Variants in DPP10 observed in about 807,000 individuals in gnomAD.
DPP10 encodes the protein dipeptidyl peptidase like 10, also known as inactive dipeptidyl peptidase 10.
DPP10 carries 33 observed loss-of-function variants against 120.9 expected under a neutral mutation model. That is an observed-to-expected ratio of 0.27 (90% CI 0.21 to 0.37). The LOEUF is 0.37. Among genes scored for constraint, DPP10 ranks in the 10% least tolerant of loss-of-function variants. The pLI, the probability that DPP10 is intolerant of heterozygous loss-of-function variation, is 1.00. For missense variants in DPP10, 816 were observed against 942.8 expected (o/e 0.87, Z 1.76); for synonymous variants, 337 against 326.1 (o/e 1.03, Z -0.36).
chr2:115,085,252 TTTCCC>T (rs1328257306), intron 1 of DPP10, among the ~76,000 whole-genome samples: 2 of 152,210 alleles, frequency 1.3e-5, no homozygotes, highest in African/African-American at 4.8e-5. Context: ...TTACAGATCC[TTTCCC>T]TTCCCTTCCC....
intron 1 of DPP10, among the ~76,000 whole-genome samples, chr2:114,555,832 G>A (rs1305818210): frequency 6.6e-6 from 1 of 152,116 alleles, no homozygotes; most frequent in Non-Finnish European, 1.5e-5. Flanking sequence ...CAAATACTAA[G>A]AGGGTGGAGC....
chr2:114,848,997 G>A (rs115634794), intron 1 of DPP10, among the ~76,000 whole-genome samples: 2,149 of 152,212 alleles, frequency 0.014, 21 homozygotes, highest in Non-Finnish European at 0.023. Context: ...ACTATCTGGG[G>A]CCTCTTTTAT....
At chr2:115,495,534 T>C (rs1307188828) in intron 3 of DPP10, among the ~76,000 whole-genome samples, 1 of 152,120 alleles carries the variant, frequency 6.6e-6, no homozygotes, top group Non-Finnish European at 1.5e-5. Flanking sequence ...CAATACCACA[T>C]TGAGAACTAA....
chr2:115,342,045 A>G (rs1047047980), intron 2 of DPP10: 5 of 417,902 alleles, frequency 1.2e-5, no homozygotes, highest in African/African-American at 8.3e-5. Context: ...TGACTGTACC[A>G]TTTTGCATTC....
At chr2:115,115,566 A>T (rs1375544943) in intron 1 of DPP10, among the ~76,000 whole-genome samples, 5 of 152,198 alleles carry the variant, frequency 3.3e-5, no homozygotes, top group Non-Finnish European at 5.9e-5. Flanking sequence ...TCACAAAGTC[A>T]TTAATCATTC....
At chr2:115,017,973 G>T (rs967303263) in intron 1 of DPP10, among the ~76,000 whole-genome samples, 1 of 151,228 alleles carries the variant, frequency 6.6e-6, no homozygotes, top group Admixed American at 6.6e-5. Context: ...TGCACGTTGC[G>T]CACATGTACG....
At chr2:114,953,765 G>A (rs566763678) in intron 1 of DPP10, among the ~76,000 whole-genome samples, 3 of 152,102 alleles carry the variant, frequency 2.0e-5, no homozygotes, top group East Asian at 1.9e-4. Context: ...TAATGGTACC[G>A]TATTATGAAT....
intron 1 of DPP10, among the ~76,000 whole-genome samples, chr2:115,213,679 C>T (rs1464883823): frequency 6.6e-6 from 1 of 152,034 alleles, no homozygotes; most frequent in Non-Finnish European, 1.5e-5. Context: ...AGTTGTATTA[C>T]TGCAGTTAAT....
chr2:114,842,960 A>G (rs773790061), intron 1 of DPP10, among the ~76,000 whole-genome samples: 8 of 152,130 alleles, frequency 5.3e-5, no homozygotes, highest in Non-Finnish European at 1.0e-4. Flanking sequence ...ACTGCCCATA[A>G]CATCAGAGCC....
In DPP10 at chr2:115,076,380, T is replaced by A. The variant is rs1026766094; in HGVS notation, c.61-232859T>A. On this transcript the variant is annotated intron_variant, in intron 1 of 25. Transcript: ENST00000410059. ...AGGAATTCAGTGCACATAAAAATATTTTTTTTTAGACTGAAGGACTCCTAG... is the reference window on the plus strand; with the variant it reads ...AGGAATTCAGTGCACATAAAAATATATTTTTTTAGACTGAAGGACTCCTAG... Among the ~76,000 whole-genome samples the A allele has an allele frequency of 2.7e-5, 4 of 149,492 alleles. 1 individual carries two copies. Among genetic ancestry groups the A allele is most frequent in the Non-Finnish European group, 5.9e-5 (4 of 67,736 alleles).
chr2:114,828,302 C>T (rs1161413947), intron 1 of DPP10: 1 of 152,088 alleles, frequency 6.6e-6, no homozygotes, highest in Non-Finnish European at 1.5e-5. Flanking sequence ...GTAAGAAGAA[C>T]ATAACATAAC....
intron 1 of DPP10, among the ~76,000 whole-genome samples, chr2:115,152,940 T>C (rs1368908974): frequency 6.6e-6 from 1 of 152,154 alleles, no homozygotes; most frequent in Non-Finnish European, 1.5e-5. Context: ...ATGAGTAGGA[T>C]GAACATGAAC....
chr2:114,486,395 A>G (rs1681523603), intron 1 of DPP10, among the ~76,000 whole-genome samples: 1 of 152,212 alleles, frequency 6.6e-6, no homozygotes, highest in African/African-American at 2.4e-5. Flanking sequence ...TTGAGTTTAT[A>G]TAAAACATCC....
At chr2:115,653,284 T>C (rs866640724) in intron 5 of DPP10, among the ~76,000 whole-genome samples, 2 of 152,020 alleles carry the variant, frequency 1.3e-5, no homozygotes, top group African/African-American at 4.8e-5. Context: ...TTAAAATTTG[T>C]TTAATACAAG....
chr2:114,715,913 A>T (rs1701317768), intron 1 of DPP10, among the ~76,000 whole-genome samples: 1 of 152,112 alleles, frequency 6.6e-6, no homozygotes, highest in Admixed American at 6.5e-5. Flanking sequence ...TGAGCGAGTG[A>T]GCAAAATTAA....
chr2:115,060,359 G>A (rs757330499), intron 1 of DPP10, among the ~76,000 whole-genome samples: 2 of 152,106 alleles, frequency 1.3e-5, no homozygotes, highest in African/African-American at 4.8e-5. Flanking sequence ...TTGGGCGGCC[G>A]AGGCAGGTGG....
At chr2:115,769,461 G>T (rs931210535) in intron 13 of DPP10, among the ~76,000 whole-genome samples, 1 of 151,962 alleles carries the variant, frequency 6.6e-6, no homozygotes. Flanking sequence ...CTTGTTCAGG[G>T]TCTGTGTAAT....
chr2:115,112,020 T>G (rs530392912), intron 1 of DPP10, among the ~76,000 whole-genome samples: 1 of 152,320 alleles, frequency 6.6e-6, no homozygotes, highest in South Asian at 2.1e-4. Context: ...GTTCTGAAAC[T>G]TCACAGGATT....
rs1416501116 is a variant in DPP10, at chr2:115,739,883, C to A, written c.842C>A (p.Pro281Gln). ...GALYPKGKQY[P>Q]YPKAGQVNPT... Reference sequence around the variant, plus strand: ...TTGTATCCCAAAGGAAAGCAGTATCCGTATCCTAAGGTAAGTAACATGGAA... The same window carrying A: ...TTGTATCCCAAAGGAAAGCAGTATCAGTATCCTAAGGTAAGTAACATGGAA... Residue 281 changes from proline to glutamine, a missense_variant, in exon 9 of 26, where the codon CCG becomes CAG. This residue lies in a region of DPP10 where 592 missense variants were observed against 649.0 expected (regional missense o/e 0.91). Coordinates refer to ENST00000410059, the MANE Select transcript of DPP10 (RefSeq NM_020868.6). The A allele has an allele frequency of 6.2e-7, 1 of 1,613,078 alleles. No individual in the cohort carries two copies. Among genetic ancestry groups the A allele is most frequent in the South Asian group, 1.1e-5 (1 of 91,028 alleles).
Sources: gnomAD v4.1 joint callset for allele counts (sites outside exome capture counted in the v4.1 genomes callset) on GRCh38, gnomAD v4.1.1 for gene constraint, gnomAD v4.1.1 regional missense constraint, MANE v1.5 for transcripts, NCBI Gene and HGNC (gene_info 2026-07-23, HGNC 2026-07-21) for gene names.